The following MAP2K1 variants were observed in gnomAD, a reference collection of about 807,000 sequenced individuals.
The protein encoded by MAP2K1 is mitogen-activated protein kinase kinase 1.
In MAP2K1, 16 loss-of-function variants were observed where a neutral mutation model predicts 46.3. The ratio of observed to expected loss-of-function variants is 0.35; its 90% CI spans 0.23 to 0.52. The LOEUF is 0.52. Ranked by LOEUF, MAP2K1 falls within the 20% of genes least tolerant of loss-of-function variation. The probability of loss-of-function intolerance (pLI) is 0.94; values close to 1 mark genes in which losing one functional copy is unlikely to be tolerated. For synonymous variants in MAP2K1, 183 were observed against 185.6 expected, an observed-to-expected ratio of 0.99 and a Z score of 0.11; for missense variants, 263 against 497.1, an observed-to-expected ratio of 0.53 and a Z score of 4.48.
intron 1 of MAP2K1, among the ~76,000 whole-genome samples, chr15:66,412,246 GTTTGATA>G (rs1181350807): frequency 6.6e-6 from 1 of 152,196 alleles, no homozygotes; most frequent in Non-Finnish European, 1.5e-5. Flanking sequence ...CAGGACTGTG[GTTTGATA>G]TGTGGAAACA....
At chr15:66,445,027 A>T in intron 5 of MAP2K1, 1 of 349,536 alleles carries the variant, frequency 2.9e-6, no homozygotes, top group South Asian at 3.2e-5. Flanking sequence ...GTGCATGTGC[A>T]TATGCCTAAA....
At chr15:66,484,163 C>T (rs185739413) in intron 6 of MAP2K1, among the ~76,000 whole-genome samples, 2 of 149,344 alleles carry the variant, frequency 1.3e-5, no homozygotes, top group African/African-American at 5.0e-5. Context: ...TTTTTTCTTC[C>T]GACATGGAGT....
At chr15:66,415,158 C>A in intron 1 of MAP2K1, 1 of 525,456 alleles carries the variant, frequency 1.9e-6, no homozygotes, top group Admixed American at 1.9e-5. Flanking sequence ...CTAGTTTGAC[C>A]TCCAGAAGTT....
intron 1 of MAP2K1, among the ~76,000 whole-genome samples, chr15:66,426,181 A>G (rs374676867): frequency 2.6e-5 from 4 of 151,670 alleles, no homozygotes; most frequent in East Asian, 3.9e-4. Flanking sequence ...GTTTATTACG[A>G]AAGCAAAGGG....
intron 1 of MAP2K1, among the ~76,000 whole-genome samples, chr15:66,397,900 G>A (rs996800439): frequency 6.6e-6 from 1 of 152,156 alleles, no homozygotes; most frequent in African/African-American, 2.4e-5. Flanking sequence ...TCAGGAGTTC[G>A]AGACCAGCCT....
Position 66,465,844 on chromosome 15 carries a change from T to TA in MAP2K1, c.569-15909dup, listed in dbSNP as rs1419469690. Among the ~76,000 whole-genome samples, 6 of 152,236 alleles carry TA rather than the reference T, an allele frequency of 3.9e-5. 1 individual carries two copies. Among genetic ancestry groups the TA allele is most frequent in the African/African-American group, 1.4e-4 (6 of 41,454 alleles). Reference sequence around the variant, plus strand: ...TTATTTCTATGAAGTACAGTAAGAATAATTATTTTTCACATAGGCTTTTAA... The same window carrying TA: ...TTATTTCTATGAAGTACAGTAAGAATAAATTATTTTTCACATAGGCTTTTAA... On this transcript the variant is annotated intron_variant, in intron 5 of 10. Coordinates refer to ENST00000307102, the MANE Select transcript of MAP2K1 (RefSeq NM_002755.4).
At chr15:66,421,883 C>CTCT (rs2093444493) in intron 1 of MAP2K1, among the ~76,000 whole-genome samples, 1 of 143,172 alleles carries the variant, frequency 7.0e-6, no homozygotes, top group South Asian at 2.2e-4. Context: ...CCCTCTTTCT[C>CTCT]TTTTTTTTTT....
chr15:66,487,648 G>A (rs769909023), intron 8 of MAP2K1, among the ~76,000 whole-genome samples: 5 of 152,084 alleles, frequency 3.3e-5, no homozygotes, highest in Non-Finnish European at 4.4e-5. Flanking sequence ...AGTCTACTAG[G>A]GAGTTTAATT....
intron 1 of MAP2K1, among the ~76,000 whole-genome samples, chr15:66,434,341 T>C (rs1366115337): frequency 1.3e-5 from 2 of 152,166 alleles, no homozygotes; most frequent in African/African-American, 4.8e-5. Flanking sequence ...TTGTCGACAA[T>C]GTATTATGTT....
At chr15:66,489,818 C>T (rs1893183151) in intron 10 of MAP2K1, 55 bp downstream of exon 10, 2 of 1,437,046 alleles carry the variant, frequency 1.4e-6, no homozygotes, top group African/African-American at 1.4e-5. Context: ...TTGTTCTTCT[C>T]TGTCAGTCAT....
In MAP2K1 at chr15:66,490,701, T is replaced by G. The variant is rs757416394; in HGVS notation, c.*86T>G. 3.3e-6 allele frequency: 3 copies of G among 922,370 alleles called. No homozygotes were observed. In the South Asian group the frequency reaches 3.9e-5, roughly 12 times the overall value. 57.1% of individuals were successfully genotyped at this position (922,370 alleles called of 1,614,324 possible). On this transcript the variant is annotated 3_prime_UTR_variant, in exon 11 of 11. Coordinates refer to ENST00000307102, the MANE Select transcript of MAP2K1 (RefSeq NM_002755.4). ...GCCTCCTTCCCATGCCTGTCTCTGTTCAGATGTGCATTTCACCTGTGACAA... is the reference window on the plus strand; with the variant it reads ...GCCTCCTTCCCATGCCTGTCTCTGTGCAGATGTGCATTTCACCTGTGACAA...
Position 66,411,058 on chromosome 15 carries a change from A to G in MAP2K1, c.80+23631A>G, listed in dbSNP as rs1180216832. Among the ~76,000 whole-genome samples, 3 of 150,312 alleles carry G rather than the reference A, an allele frequency of 2.0e-5. No homozygotes were observed. In the East Asian group the frequency reaches 5.9e-4, roughly 29 times the overall value. ...TTCCATCAATATCAAATGCAATGTT[A>G]TGTGCGTTGAGTTTCTTGATAACTG... On this transcript the variant is annotated intron_variant, in intron 1 of 10. Coordinates refer to ENST00000307102, the MANE Select transcript of MAP2K1 (RefSeq NM_002755.4).
chr15:66,482,430 G>T (rs1892935015), intron 6 of MAP2K1, among the ~76,000 whole-genome samples: 7 of 152,156 alleles, frequency 4.6e-5, no homozygotes, highest in Admixed American at 4.6e-4. Context: ...ATGTCTGTCA[G>T]ACATGTACCC....
chr15:66,466,178 A>T (rs1328604412), intron 5 of MAP2K1, among the ~76,000 whole-genome samples: 1 of 152,254 alleles, frequency 6.6e-6, no homozygotes, highest in Non-Finnish European at 1.5e-5. Context: ...AAAGGAAAGC[A>T]CACCATTCTA....
chr15:66,426,011 C>T (rs1025130519), intron 1 of MAP2K1, among the ~76,000 whole-genome samples: 1 of 152,094 alleles, frequency 6.6e-6, no homozygotes, highest in Admixed American at 6.6e-5. Flanking sequence ...TTTGTTTGCT[C>T]AATATTACAT....
At chr15:66,409,766 A>C (rs34329981) in intron 1 of MAP2K1, among the ~76,000 whole-genome samples, 8,688 of 152,232 alleles carry the variant, frequency 0.057, 349 homozygotes, top group Middle Eastern at 0.11. Flanking sequence ...ACCAGTCTTC[A>C]CACCCCCGCT....
intron 5 of MAP2K1, among the ~76,000 whole-genome samples, chr15:66,480,959 T>C (rs1439918861): frequency 1.3e-5 from 2 of 152,094 alleles, no homozygotes; most frequent in African/African-American, 4.8e-5. Flanking sequence ...AGAAAAAATG[T>C]TTGGAAATTT....
At chr15:66,474,868 C>T (rs1892720539) in intron 5 of MAP2K1, among the ~76,000 whole-genome samples, 1 of 150,334 alleles carries the variant, frequency 6.7e-6, no homozygotes, top group Admixed American at 6.6e-5. Flanking sequence ...CATGCCACTG[C>T]ACGCTAGCCT....
chr15:66,426,991 C>T (rs774719300), intron 1 of MAP2K1, among the ~76,000 whole-genome samples: 5 of 152,244 alleles, frequency 3.3e-5, no homozygotes, highest in Non-Finnish European at 7.4e-5. Context: ...ACCCCATTGA[C>T]GATGATCTCA....
Sources: allele counts gnomAD v4.1 joint callset (sites outside exome capture counted in the v4.1 genomes callset), GRCh38; gene constraint gnomAD v4.1.1; transcripts MANE v1.5; gene names NCBI Gene and HGNC (gene_info 2026-07-23, HGNC 2026-07-21).